PMS2: variants seen among roughly 807,000 people sequenced by gnomAD.
The protein encoded by PMS2 is PMS1 homolog 2, mismatch repair system component, also known as mismatch repair endonuclease PMS2.
Under a neutral mutation model 90.0 loss-of-function variants are expected in PMS2, and 69 were observed. That is an observed-to-expected ratio of 0.77 (90% confidence interval 0.63 to 0.94). The LOEUF (loss-of-function observed/expected upper bound fraction) is 0.94. Among genes scored for constraint, PMS2 ranks in the 40% least tolerant of loss-of-function variants. The pLI, the probability that PMS2 is intolerant of heterozygous loss-of-function variation, is 0.00. For missense variants in PMS2, 966 were observed against 1,040.2 expected (o/e 0.93, Z 0.98); for synonymous variants, 332 against 375.1 (o/e 0.89, Z 1.33).
At chr7:5,984,601 A>C (rs906073284) in intron 11 of PMS2, among the ~76,000 whole-genome samples, 6 of 151,602 alleles carry the variant, frequency 4.0e-5, no homozygotes, top group Admixed American at 2.0e-4. Context: ...CCTGGCCAAC[A>C]TGGTGAAACC....
chr7:5,997,625 A>T (rs927766593), intron 6 of PMS2, among the ~76,000 whole-genome samples: 1 of 152,098 alleles, frequency 6.6e-6, no homozygotes, highest in African/African-American at 2.4e-5. Context: ...CCTCACTGCA[A>T]TGTCAAACTC....
intron 12 of PMS2, among the ~76,000 whole-genome samples, chr7:5,982,431 C>T (rs1432486349): frequency 2.6e-5 from 4 of 151,816 alleles, no homozygotes; most frequent in Non-Finnish European, 4.4e-5. Flanking sequence ...CTCGAACTCC[C>T]GACCTGAAGT....
intron 9 of PMS2, 46 bp downstream of exon 9, chr7:5,991,927 T>C (rs2128754540): frequency 1.1e-6 from 1 of 872,966 alleles, no homozygotes; most frequent in Non-Finnish European, 2.0e-6. Context: ...ATTTTATTCT[T>C]TGAGGCATTA....
At position 6,003,740 on chromosome 7, in the gene PMS2, A is replaced by C. The variant is rs755908654; in HGVS notation, c.303T>G (p.Val101=). 2 of 1,602,368 alleles carry C rather than the reference A, an allele frequency of 1.2e-6. No homozygotes were observed. Among genetic ancestry groups the C allele is most frequent in the Non-Finnish European group, 1.7e-6 (2 of 1,179,378 alleles). Residue 101 remains valine, a synonymous_variant, in exon 4 of 15, where the codon GTT becomes GTG. Transcript: ENST00000265849. ...CTTCCCCCCGAAAGCCAAAAGTTTC[A>C]ACCTGAGTTAGGTCGGCAAACTCTT... ...KIQEFADLTQ[V]ETFGFRGEAL...
At chr7:5,997,094 A>G (rs1446580336) in intron 7 of PMS2, among the ~76,000 whole-genome samples, 1 of 151,776 alleles carries the variant, frequency 6.6e-6, no homozygotes, top group East Asian at 1.9e-4. Flanking sequence ...CGTGCCTGTA[A>G]TCCCAGCTAC....
chr7:5,981,526 G>A (rs1271022102), intron 12 of PMS2, among the ~76,000 whole-genome samples: 2 of 149,688 alleles, frequency 1.3e-5, no homozygotes, highest in South Asian at 2.1e-4. Context: ...GATTACAGGC[G>A]TGTGCCCCTG....
chr7:6,007,552 C>A (rs1056424023), intron 1 of PMS2, among the ~76,000 whole-genome samples: 5 of 152,148 alleles, frequency 3.3e-5, no homozygotes, highest in Admixed American at 1.3e-4. Context: ...GAATGTATCC[C>A]GTGTGTTCAT....
intron 11 of PMS2, among the ~76,000 whole-genome samples, chr7:5,983,461 C>T (rs1455501267): frequency 2.0e-5 from 3 of 151,636 alleles, no homozygotes; most frequent in African/African-American, 4.9e-5. Context: ...TCCAACTCTC[C>T]GGAGAAGACA....
chr7:5,983,162 C>G (rs1260167585), intron 11 of PMS2, among the ~76,000 whole-genome samples, 171 bp from the exon 12 acceptor site: 3 of 151,690 alleles, frequency 2.0e-5, no homozygotes, highest in Non-Finnish European at 4.4e-5. Flanking sequence ...ACCCAGGCTA[C>G]AGTGCAATGG....
chr7:5,981,002 T>G (rs1782225274), intron 12 of PMS2, among the ~76,000 whole-genome samples: 1 of 151,714 alleles, frequency 6.6e-6, no homozygotes, highest in African/African-American at 2.4e-5. Context: ...TTTCTCCATG[T>G]GGGATCTACT....
intron 11 of PMS2, among the ~76,000 whole-genome samples, chr7:5,985,647 G>T (rs187898320): frequency 7.0e-6 from 1 of 143,206 alleles, no homozygotes; most frequent in African/African-American, 2.6e-5. Flanking sequence ...TCCACCTCCC[G>T]GGTTCAAGCA....
rs1554304774 is a variant in PMS2, at chr7:6,003,780, T to C, written c.263A>G (p.His88Arg). Reference sequence around the variant, plus strand: ...GGCAAACTCTTGAATCTTAGATGTGTGATGTTTCAGAGCTGAAAGAGAGTG... The same window carrying C: ...GGCAAACTCTTGAATCTTAGATGTGCGATGTTTCAGAGCTGAAAGAGAGTG... ...ENFEGLTLKHHTSKIQEFADL... is the reference protein window; with the variant it reads ...ENFEGLTLKHRTSKIQEFADL... The change falls in exon 4 of 15, where the codon CAC becomes CGC. Residue 88 changes from histidine to arginine, a missense_variant. His to Arg is a conservative substitution (Grantham distance 29). This residue lies in a region of PMS2 where 871 missense variants were observed against 802.4 expected (regional missense o/e 1.09). Coordinates refer to ENST00000265849, the MANE Select transcript of PMS2 (RefSeq NM_000535.7). 1 of 1,605,146 alleles carries C rather than the reference T, an allele frequency of 6.2e-7. No individual in the cohort carries two copies. Among genetic ancestry groups the C allele is most frequent in the Non-Finnish European group, 8.5e-7 (1 of 1,177,042 alleles).
Position 5,987,523 on chromosome 7 carries a change from G to A in PMS2, c.1242C>T (p.Asp414=), listed in dbSNP as rs142839559. The change falls in exon 11 of 15, where the codon GAC becomes GAT. Residue 414 remains aspartate, a synonymous_variant. Transcript: ENST00000265849. ...CCTCTCGCAGTCTGGAAATGGACACGTCTTTTTTTTCTTCTCCAGTCCTTA... is the reference window on the plus strand; with the variant it reads ...CCTCTCGCAGTCTGGAAATGGACACATCTTTTTTTTCTTCTCCAGTCCTTA... ...PSLRTGEEKK[D]VSISRLREAF... 5.6e-5 allele frequency: 90 copies of A among 1,614,148 alleles called. 1 individual carries two copies. The African/African-American group carries it at 9.3e-4, about 17-fold the overall frequency.
rs63750451 is a variant in PMS2, at chr7:5,986,883, G to A, written c.1882C>T (p.Arg628Ter). ...GCTTCATGATGTAACTGCTTTATTC[G>A]TTTAGCTAAAGAACTCATAGAAAAG... ...LDFSMSSLAKRIKQLHHEAQQ... is the reference protein window; with the variant it reads ...LDFSMSSLAK The change falls in exon 11 of 15, where the codon CGA becomes TGA. Residue 628 changes from arginine (R) to a stop codon, truncating the protein, a stop_gained. Coordinates refer to ENST00000265849, the MANE Select transcript of PMS2 (RefSeq NM_000535.7). LOFTEE classifies it high-confidence loss of function. The A allele has an allele frequency of 7.4e-6, 12 of 1,613,798 alleles. No homozygotes were observed. Among genetic ancestry groups the A allele is most frequent in the Admixed American group, 1.7e-5 (1 of 59,968 alleles).
rs1248142939 is a variant in PMS2, at chr7:5,992,006, G to A, written c.955C>T (p.Pro319Ser). Reference sequence around the variant, plus strand: ...ACAGAAATGTTAAGAACAACAAATGGATACTGGTGTCGATTATACATGTGG... The same window carrying A: ...ACAGAAATGTTAAGAACAACAAATGAATACTGGTGTCGATTATACATGTGG... ...VYHMYNRHQY[P>S]FVVLNISVDS... The change falls in exon 9 of 15, where the codon CCA becomes TCA. Residue 319 changes from proline to serine, a missense_variant. By Grantham distance (74) the Pro-to-Ser change is moderately conservative. This residue lies in a region of PMS2 where 871 missense variants were observed against 802.4 expected (regional missense o/e 1.09). Transcript: ENST00000265849. 2 of 1,600,018 alleles carry A rather than the reference G, an allele frequency of 1.2e-6. No individual in the cohort carries two copies. Among genetic ancestry groups the A allele is most frequent in the African/African-American group, 2.7e-5 (2 of 74,744 alleles).
In PMS2 at chr7:5,972,823, GGTT is replaced by G. The variant is rs1583266012; in HGVS notation, c.*573_*575del. 2.2e-5 allele frequency among the ~76,000 whole-genome samples: 1 copy of G among 46,426 alleles called. No individual in the cohort carries two copies. Among genetic ancestry groups the G allele is most frequent in the South Asian group, 1.0e-3 (1 of 954 alleles). The allele number at this position is 46,426 out of a possible 152,430, so 30.5% of individuals were successfully genotyped here. A position where few individuals can be genotyped will look rare whatever the true frequency, so the allele number is the denominator to read the frequency against. On this transcript the variant is annotated 3_prime_UTR_variant, in exon 15 of 15. Transcript: ENST00000265849. ...GCCTGAGTAACTTCCAAAGTGGTTTGGTTTTTTTTTTTTTGTTTTGTTTTGTTT... is the reference window on the plus strand; with the variant it reads ...GCCTGAGTAACTTCCAAAGTGGTTTGTTTTTTTTTTTGTTTTGTTTTGTTT...
chr7:6,004,023 C>T lies in PMS2; in HGVS notation c.199G>A (p.Glu67Lys), dbSNP rs730881913. The T allele has an allele frequency of 6.2e-7, 1 of 1,602,790 alleles. No homozygotes were observed. Among genetic ancestry groups the T allele is most frequent in the South Asian group, 1.1e-5 (1 of 90,800 alleles). Residue 67 changes from glutamate (E) to lysine (K), a missense_variant, in exon 3 of 15, where the codon GAA becomes AAA. This residue lies in a region of PMS2 where 871 missense variants were observed against 802.4 expected (regional missense o/e 1.09). Coordinates refer to ENST00000265849, the MANE Select transcript of PMS2 (RefSeq NM_000535.7). ...ACCCCACATCCATTGTCTGAAACTT[C>T]AATAAGATCCACTCCATAGTCCTTA... ...KLKDYGVDLIEVSDNGCGVEE... is the reference protein window; with the variant it reads ...KLKDYGVDLIKVSDNGCGVEE...
chr7:5,997,216 G>GAAAAA, intron 7 of PMS2, 110 bp downstream of exon 7: 1 of 568,974 alleles, frequency 1.8e-6, no homozygotes, highest in Non-Finnish European at 3.1e-6. Flanking sequence ...TCCGTCTCAA[G>GAAAAA]AAAAAAAAAA....
chr7:6,003,139 C>G (rs947835078), intron 4 of PMS2, among the ~76,000 whole-genome samples: 1 of 151,558 alleles, frequency 6.6e-6, no homozygotes, highest in Non-Finnish European at 1.5e-5. Context: ...ACTAAAAATA[C>G]AAAAATTAGC....
Sources: gnomAD v4.1 joint callset for allele counts (sites outside exome capture counted in the v4.1 genomes callset) on GRCh38, gnomAD v4.1.1 for gene constraint, gnomAD v4.1.1 regional missense constraint, MANE v1.5 for transcripts, NCBI Gene and HGNC (gene_info 2026-07-23, HGNC 2026-07-21) for gene names.